Variants in TBC1D15 observed in about 807,000 individuals in gnomAD.
TBC1D15 encodes GAP for RAB7.
In TBC1D15, 39 loss-of-function variants were observed where a neutral mutation model predicts 95.4. The ratio of observed to expected loss-of-function variants is 0.41; its 90% CI spans 0.32 to 0.53. The LOEUF (loss-of-function observed/expected upper bound fraction) is 0.53, where lower values mean the gene tolerates loss of function less well. TBC1D15 is among the 20% of genes least tolerant of loss of function. The pLI is 0.29. For missense variants in TBC1D15, 733 were observed against 794.3 expected, an observed-to-expected ratio of 0.92 and a Z score of 0.93; for synonymous variants, 258 against 261.3, an observed-to-expected ratio of 0.99 and a Z score of 0.12.
Position 71,894,939 on chromosome 12 carries a change from T to TCCTGTTAATAGAAATAGAATAGAA in TBC1D15, c.855+56_855+57insCCTGTTAATAGAAATAGAATAGAA, listed in dbSNP as rs1315080603. The TCCTGTTAATAGAAATAGAATAGAA allele has an allele frequency of 1.7e-5, 26 of 1,506,110 alleles. No homozygotes were observed. The African/African-American group carries it at 2.9e-4, about 17-fold the overall frequency. The allele number at this position is 1,506,110 out of a possible 1,614,324, so 93.3% of individuals were successfully genotyped here. A position where few individuals can be genotyped will look rare whatever the true frequency, so the allele number is the denominator to read the frequency against. On this transcript the variant is annotated intron_variant, in intron 7 of 16. Transcript: ENST00000485960. ...TATATTTTAACAGGAGAACATGTAC[T>TCCTGTTAATAGAAATAGAATAGAA]ATAGAAATAGAAACTTAATTTTGGT...
rs542869312 is a variant in TBC1D15 at position 71,876,754 on chromosome 12, A to G, written c.205-3715A>G. 6.0e-5 allele frequency among the ~76,000 whole-genome samples: 9 copies of G among 150,284 alleles called. No homozygotes were observed. The South Asian group carries it at 1.7e-3, about 28-fold the overall frequency. Reference sequence around the variant, plus strand: ...TATTCTGAATTGGCCTGGCAGGCCAAGAATTACAGTTTGAAAGTAAATTTT... The same window carrying G: ...TATTCTGAATTGGCCTGGCAGGCCAGGAATTACAGTTTGAAAGTAAATTTT... On this transcript the variant is annotated intron_variant, in intron 3 of 16. Coordinates refer to ENST00000485960, the MANE Select transcript of TBC1D15 (RefSeq NM_001146213.3).
intron 12 of TBC1D15, 30 bp downstream of exon 12, chr12:71,913,956 G>C: frequency 6.7e-7 from 1 of 1,500,228 alleles, no homozygotes; most frequent in Non-Finnish European, 9.1e-7. Context: ...CCATTAAACT[G>C]ATTTTTAAAA....
chr12:71,884,420 T>G (rs1304661212), intron 4 of TBC1D15, among the ~76,000 whole-genome samples: 1 of 152,124 alleles, frequency 6.6e-6, no homozygotes, highest in African/African-American at 2.4e-5. Context: ...GAGGTAAGTA[T>G]AATTATCTCC....
chr12:71,910,820 A>G (rs1902063347), intron 11 of TBC1D15, among the ~76,000 whole-genome samples: 3 of 152,226 alleles, frequency 2.0e-5, no homozygotes, highest in African/African-American at 7.2e-5. Context: ...GGAAACTACC[A>G]TCAGAGTGAA....
In TBC1D15 at chr12:71,879,128, T is replaced by G. The variant is rs1289623911; in HGVS notation, c.205-1341T>G. 2.7e-5 allele frequency among the ~76,000 whole-genome samples: 4 copies of G among 150,074 alleles called. No individual in the cohort carries two copies. In the East Asian group the frequency reaches 7.8e-4, roughly 29 times the overall value. On this transcript the variant is annotated intron_variant, in intron 3 of 16. Transcript: ENST00000485960. ...GAGTCTTTTCCCTTACCTGTCTCTC[T>G]CTCTCTCTTTTTTTTTTTTTGGAGA...
intron 14 of TBC1D15, among the ~76,000 whole-genome samples, chr12:71,919,591 C>T (rs1868457985): frequency 6.6e-6 from 1 of 152,148 alleles, no homozygotes; most frequent in Admixed American, 6.5e-5. Context: ...ACTTTATGCT[C>T]ACTTCCTCTG....
rs139268530 is a variant in TBC1D15, at chr12:71,852,109, A to G, written c.30+12298A>G. ...GAGACTCTCAAGCTTCAGCTGTTGC[A>G]TTCTGTGCACCTGCAGGCTTAACAT... On this transcript the variant is annotated intron_variant, in intron 1 of 16. Transcript: ENST00000485960. Among the ~76,000 whole-genome samples the G allele has an allele frequency of 5.0e-3, 760 of 152,300 alleles. 6 individuals are homozygous for G. The highest frequency in any genetic ancestry group is 0.017 in the African/African-American group (708 of 41,568).
At chr12:71,922,136 A>G (rs992485731) in intron 16 of TBC1D15, among the ~76,000 whole-genome samples, 1 of 152,072 alleles carries the variant, frequency 6.6e-6, no homozygotes, top group African/African-American at 2.4e-5. Flanking sequence ...CCAGGCTGGA[A>G]TGCAGTGGCG....
chr12:71,863,100 C>T (rs75072450), intron 1 of TBC1D15, among the ~76,000 whole-genome samples: 8,851 of 152,118 alleles, frequency 0.058, 359 homozygotes, highest in South Asian at 0.15. Context: ...GCTTTTAGGC[C>T]GGGTGTGGTG....
intron 1 of TBC1D15, among the ~76,000 whole-genome samples, chr12:71,846,356 C>T (rs1886261433): frequency 6.6e-6 from 1 of 152,140 alleles, no homozygotes; most frequent in Non-Finnish European, 1.5e-5. Flanking sequence ...AAACTTTCCT[C>T]CTTTTTTTTG....
chr12:71,893,151 G>A, intron 5 of TBC1D15, 71 bp from the exon 6 acceptor site: 1 of 651,016 alleles, frequency 1.5e-6, no homozygotes, highest in Non-Finnish European at 2.2e-6. Context: ...GAACATTTGT[G>A]TTAGTAATTG....
chr12:71,914,203 C>T (rs6582068), intron 12 of TBC1D15, among the ~76,000 whole-genome samples: 60,014 of 151,702 alleles, frequency 0.4, 14,057 homozygotes, highest in African/African-American at 0.64. Flanking sequence ...TGTGTCATTA[C>T]AGAATATTGA....
At position 71,908,814 on chromosome 12, in the gene TBC1D15, A is replaced by C. The variant is rs148991483; in HGVS notation, c.1300+1676A>C. ...GTGGGGAAATCTCACTTTATGAGTA[A>C]GGTTATTTTGATTCAGAGTGTGACT... On this transcript the variant is annotated intron_variant, in intron 11 of 16. Coordinates refer to ENST00000485960, the MANE Select transcript of TBC1D15 (RefSeq NM_001146213.3). 7.2e-5 allele frequency among the ~76,000 whole-genome samples: 11 copies of C among 152,310 alleles called. No homozygotes were observed. The East Asian group carries it at 2.1e-3, about 29-fold the overall frequency.
chr12:71,839,787 G>A lies in TBC1D15; in HGVS notation c.6G>A (p.Ala2=). 1 of 1,614,178 alleles carries A rather than the reference G, an allele frequency of 6.2e-7. No individual in the cohort carries two copies. The highest frequency in any genetic ancestry group is 8.5e-7 in the Non-Finnish European group (1 of 1,180,038). The change falls in exon 1 of 17, where the codon GCG becomes GCA. Residue 2 remains alanine, a synonymous_variant. Coordinates refer to ENST00000485960, the MANE Select transcript of TBC1D15 (RefSeq NM_001146213.3). ...ACCAGGCACGCGCAGGAAACATGGC[G>A]GCGGCGGGTGTTGTGAGCGGGAAGG... is the stretch of plus-strand genomic sequence containing the variant. The part of the protein sequence containing the change: M[A]AAGVVSGKII...
chr12:71,872,124 G>A lies in TBC1D15; in HGVS notation c.85G>A (p.Asp29Asn), dbSNP rs775319242. ...TCACTCATCTTGTGGAAAGACCAAT[G>A]ACCAAGACGGCTTGATTTCAGGAAT... ...YIHSSCGKTN[D>N]QDGLISGILR... The change falls in exon 2 of 17, where the codon GAC becomes AAC. Residue 29 changes from aspartate to asparagine, a missense_variant. Asp to Asn is a conservative substitution (Grantham distance 23). Transcript: ENST00000485960. 6.3e-7 allele frequency: 1 copy of A among 1,580,510 alleles called. No individual in the cohort carries two copies.
intron 5 of TBC1D15, among the ~76,000 whole-genome samples, chr12:71,892,081 A>C (rs913717208): frequency 1.3e-5 from 2 of 152,062 alleles, no homozygotes; most frequent in African/African-American, 4.8e-5. Context: ...CTTGTGAGAG[A>C]ATCTGTAAGT....
intron 7 of TBC1D15, among the ~76,000 whole-genome samples, chr12:71,895,215 C>T (rs1028665654): frequency 5.3e-5 from 8 of 152,022 alleles, no homozygotes; most frequent in Non-Finnish European, 4.4e-5. Flanking sequence ...TTCTCATAGG[C>T]ATCAGAGACA....
At chr12:71,875,599 G>GTAA (rs1565989013) in intron 3 of TBC1D15, among the ~76,000 whole-genome samples, 1 of 151,474 alleles carries the variant, frequency 6.6e-6, no homozygotes. Context: ...CATCACCTGA[G>GTAA]TAATGTACAT....
intron 1 of TBC1D15, among the ~76,000 whole-genome samples, chr12:71,855,542 C>T (rs1255523403): frequency 1.3e-5 from 2 of 151,718 alleles, no homozygotes; most frequent in Non-Finnish European, 2.9e-5. Flanking sequence ...GTGGTGTGTG[C>T]CTGTAGTCCC....
Sources: allele counts gnomAD v4.1 joint callset (sites outside exome capture counted in the v4.1 genomes callset), GRCh38; gene constraint gnomAD v4.1.1; transcripts MANE v1.5; gene names NCBI Gene and HGNC (gene_info 2026-07-23, HGNC 2026-07-21).